Variants in MAML2 observed in about 807,000 individuals in gnomAD.
MAML2 encodes mastermind-like protein 2.
A neutral mutation model predicts 96.1 loss-of-function variants in MAML2; 22 were observed. That is an observed-to-expected ratio of 0.23 (90% CI 0.16 to 0.33). MAML2 has a LOEUF of 0.33. MAML2 is among the 10% of genes least tolerant of loss of function. The pLI is 1.00. For missense variants in MAML2, 1,367 were observed against 1,392.4 expected (o/e 0.98, Z 0.29); for synonymous variants, 561 against 521.3 (o/e 1.08, Z -1.04).
chr11:96,033,863 G>A (rs951021339), intron 2 of MAML2, among the ~76,000 whole-genome samples: 1 of 152,172 alleles, frequency 6.6e-6, no homozygotes, highest in Non-Finnish European at 1.5e-5. Context: ...AACAGAGGAT[G>A]GGCTGCAACA....
At chr11:96,030,529 A>T (rs1431308352) in intron 2 of MAML2, among the ~76,000 whole-genome samples, 1 of 152,212 alleles carries the variant, frequency 6.6e-6, no homozygotes, top group Non-Finnish European at 1.5e-5. Context: ...CTTCTGTGAC[A>T]ACTGTTCATC....
chr11:96,042,684 C>CAATTT, intron 2 of MAML2, among the ~76,000 whole-genome samples: 1 of 151,762 alleles, frequency 6.6e-6, no homozygotes, highest in Middle Eastern at 3.2e-3. Flanking sequence ...TACCTAATGT[C>CAATTT]ACAAAGCTCA....
intron 2 of MAML2, among the ~76,000 whole-genome samples, chr11:96,047,992 T>C (rs1858933868): frequency 6.7e-6 from 1 of 148,756 alleles, no homozygotes; most frequent in Non-Finnish European, 1.5e-5. Flanking sequence ...AAGTTATGAA[T>C]GAGGAATGAG....
intron 1 of MAML2, among the ~76,000 whole-genome samples, chr11:96,321,814 C>T (rs972637264): frequency 5.9e-5 from 9 of 152,198 alleles, no homozygotes; most frequent in African/African-American, 2.2e-4. Context: ...AGCAAAATGA[C>T]CTAGCAGTTC....
At chr11:96,313,330 A>G (rs1396185800) in intron 1 of MAML2, among the ~76,000 whole-genome samples, 2 of 152,134 alleles carry the variant, frequency 1.3e-5, no homozygotes, top group Non-Finnish European at 2.9e-5. Context: ...CCCATCTCAG[A>G]ACTGGGGTGG....
At chr11:96,054,508 G>A (rs1383273532) in intron 2 of MAML2, among the ~76,000 whole-genome samples, 2 of 152,122 alleles carry the variant, frequency 1.3e-5, no homozygotes, top group Non-Finnish European at 2.9e-5. Context: ...TTTATCCATG[G>A]GTTCTTCCAA....
At chr11:96,079,843 C>A (rs1215777607) in intron 2 of MAML2, among the ~76,000 whole-genome samples, 1 of 152,144 alleles carries the variant, frequency 6.6e-6, no homozygotes, top group African/African-American at 2.4e-5. Flanking sequence ...AATATGGTGG[C>A]AGGAAGTCGT....
intron 1 of MAML2, among the ~76,000 whole-genome samples, chr11:96,154,783 C>T (rs138184817): frequency 1.3e-3 from 205 of 152,282 alleles, no homozygotes; most frequent in African/African-American, 4.7e-3. Context: ...AAGATAGTAA[C>T]GTGCAGAGAG....
At chr11:96,297,767 T>G (rs776703395) in intron 1 of MAML2, among the ~76,000 whole-genome samples, 1 of 152,210 alleles carries the variant, frequency 6.6e-6, no homozygotes, top group Non-Finnish European at 1.5e-5. Flanking sequence ...ATTCCCTACA[T>G]TGTTCTTGCT....
In MAML2 at chr11:96,341,412, C is replaced by T; in HGVS notation, c.484G>A (p.Gly162Arg). The change falls in exon 1 of 5, where the codon GGG (glycine) becomes AGG (arginine). Residue 162 changes from glycine (G) to arginine (R), a missense_variant. By Grantham distance (125) the Gly-to-Arg change is moderately radical. Coordinates refer to ENST00000524717, the MANE Select transcript of MAML2 (RefSeq NM_032427.4). ...GEQQPPASTP[G>R]DQRNSALIAL... ...ATCAGGGCTGAGTTCCTCTGGTCCC[C>T]TGGGGTTGAAGCGGGCGGCTGCTGC... is the stretch of plus-strand genomic sequence containing the variant. The T allele has an allele frequency of 6.5e-7, 1 of 1,542,400 alleles. No individual in the cohort carries two copies. Among genetic ancestry groups the T allele is most frequent in the Non-Finnish European group, 8.8e-7 (1 of 1,141,654 alleles).
intron 2 of MAML2, among the ~76,000 whole-genome samples, chr11:95,995,682 A>T (rs1857978683): frequency 6.6e-6 from 1 of 152,164 alleles, no homozygotes; most frequent in African/African-American, 2.4e-5. Context: ...TGGACTACAG[A>T]TGTGGTGTGT....
intron 2 of MAML2, among the ~76,000 whole-genome samples, chr11:96,024,113 G>A (rs1412418270): frequency 2.0e-5 from 3 of 152,220 alleles, no homozygotes; most frequent in Non-Finnish European, 4.4e-5. Flanking sequence ...CAGCAGTAGA[G>A]AAGCAAACCA....
chr11:96,003,316 C>G (rs1323884514), intron 2 of MAML2, among the ~76,000 whole-genome samples: 1 of 152,038 alleles, frequency 6.6e-6, no homozygotes, highest in Non-Finnish European at 1.5e-5. Flanking sequence ...AGATAAATGC[C>G]AAGCCATGTG....
At chr11:96,301,040 C>T (rs1177147977) in intron 1 of MAML2, among the ~76,000 whole-genome samples, 4 of 152,164 alleles carry the variant, frequency 2.6e-5, no homozygotes, top group Non-Finnish European at 5.9e-5. Context: ...CACTCAATAA[C>T]TGTTCATTAG....
intron 1 of MAML2, among the ~76,000 whole-genome samples, chr11:96,302,895 G>A (rs1019234910): frequency 1.3e-5 from 2 of 152,020 alleles, no homozygotes; most frequent in African/African-American, 4.8e-5. Context: ...TGTTCCTGTT[G>A]AACACATGGA....
chr11:96,107,966 T>C (rs1381728351), intron 1 of MAML2, among the ~76,000 whole-genome samples: 1 of 152,178 alleles, frequency 6.6e-6, no homozygotes, highest in African/African-American at 2.4e-5. Context: ...TGGTAAATGT[T>C]AAGTGTTTCC....
At chr11:96,020,945 A>G (rs1858425919) in intron 2 of MAML2, among the ~76,000 whole-genome samples, 1 of 152,236 alleles carries the variant, frequency 6.6e-6, no homozygotes. Flanking sequence ...TCAAAAGAGT[A>G]GGGACAACTA....
chr11:96,192,156 C>T (rs903667946), intron 1 of MAML2, among the ~76,000 whole-genome samples: 1 of 152,106 alleles, frequency 6.6e-6, no homozygotes, highest in Non-Finnish European at 1.5e-5. Flanking sequence ...TCTGCAAAGC[C>T]GAGGGTCGAG....
At chr11:96,003,771 G>C (rs777445339) in intron 2 of MAML2, among the ~76,000 whole-genome samples, 2 of 152,042 alleles carry the variant, frequency 1.3e-5, no homozygotes, top group Non-Finnish European at 2.9e-5. Flanking sequence ...GATATTAATT[G>C]AATATCATAT....
Sources: allele counts gnomAD v4.1 joint callset (sites outside exome capture counted in the v4.1 genomes callset), GRCh38; gene constraint gnomAD v4.1.1; transcripts MANE v1.5; gene names NCBI Gene and HGNC (gene_info 2026-07-23, HGNC 2026-07-21).